The following SLC2A14 variants were observed in gnomAD, a reference collection of about 807,000 sequenced individuals.
SLC2A14 encodes solute carrier family 2 member 14.
A neutral mutation model predicts 43.0 loss-of-function variants in SLC2A14; 13 were observed. The ratio of observed to expected loss-of-function variants is 0.30; its 90% CI spans 0.20 to 0.48. SLC2A14 has a LOEUF of 0.48. Among genes scored for constraint, SLC2A14 ranks in the 20% least tolerant of loss-of-function variants. SLC2A14 has a pLI of 0.99. For missense variants in SLC2A14, 428 were observed against 620.4 expected, an observed-to-expected ratio of 0.69 and a Z score of 3.29; for synonymous variants, 190 against 233.8, an observed-to-expected ratio of 0.81 and a Z score of 1.71.
At chr12:7,849,441 T>C (rs929763000) in intron 2 of SLC2A14, among the ~76,000 whole-genome samples, 1 of 151,742 alleles carries the variant, frequency 6.6e-6, no homozygotes, top group African/African-American at 2.4e-5. Flanking sequence ...GAGGTTGAGG[T>C]TGCAGTGAGC....
upstream of SLC2A14, among the ~76,000 whole-genome samples, chr12:7,874,799 A>T (rs377724427): frequency 1.8e-4 from 18 of 100,150 alleles, no homozygotes; most frequent in South Asian, 5.9e-4. Context: ...ATATATAAAT[A>T]ATATATAAAT....
chr12:7,832,037 G>A lies in SLC2A14; in HGVS notation c.112-273C>T, dbSNP rs771867315. Among the ~76,000 whole-genome samples the A allele has an allele frequency of 2.6e-5, 4 of 152,350 alleles. No homozygotes were observed. The South Asian group carries it at 8.3e-4, about 32-fold the overall frequency. On this transcript the variant is annotated intron_variant, in intron 3 of 10. Coordinates refer to ENST00000431042, the MANE Select transcript of SLC2A14 (RefSeq NM_001286234.2). The stretch of plus-strand genomic sequence containing the variant: ...GTAGGAGAATCGCTTGAACCCGTGG[G>A]GCGGAGTTTGCGATGAGCCGAGATA...
chr12:7,834,550 AC>A (rs1234380599), intron 2 of SLC2A14, among the ~76,000 whole-genome samples: 1 of 82,194 alleles, frequency 1.2e-5, no homozygotes, highest in African/African-American at 4.2e-5. Context: ...TTTTTTTGAG[AC>A]CCCTTCTCTA....
intron 2 of SLC2A14, among the ~76,000 whole-genome samples, chr12:7,843,242 A>G (rs1264149150): frequency 6.6e-6 from 1 of 150,992 alleles, no homozygotes; most frequent in South Asian, 2.1e-4. Flanking sequence ...AATGAAGCGC[A>G]TTAGACTGAG....
chr12:7,871,975 A>T (rs28685100), intron 1 of SLC2A14: 37 of 807,266 alleles, frequency 4.6e-5, no homozygotes, highest in Non-Finnish European at 5.4e-5. Context: ...AACAAAAAAA[A>T]GAAAAAGAAA....
intron 10 of SLC2A14, among the ~76,000 whole-genome samples, 156 bp downstream of exon 10, chr12:7,817,675 A>G (rs1164357863): frequency 6.6e-6 from 1 of 152,008 alleles, no homozygotes; most frequent in Non-Finnish European, 1.5e-5. Flanking sequence ...GCTGAGGCAG[A>G]AGAATCGCTT....
rs766793274 is a variant in SLC2A14 at position 7,853,868 on chromosome 12, G to C, written c.18+15995C>G. 2.0e-5 allele frequency among the ~76,000 whole-genome samples: 3 copies of C among 152,262 alleles called. No individual in the cohort carries two copies. The South Asian group carries it at 6.2e-4, about 32-fold the overall frequency. Reference sequence around the variant, plus strand: ...AATGTGATAACTTTCTTCCAATATTGAATGTGCTTAGAAAAGTGTGTACTT... The same window carrying C: ...AATGTGATAACTTTCTTCCAATATTCAATGTGCTTAGAAAAGTGTGTACTT... On this transcript the variant is annotated intron_variant, in intron 2 of 10. Coordinates refer to ENST00000431042, the MANE Select transcript of SLC2A14 (RefSeq NM_001286234.2).
intron 2 of SLC2A14, among the ~76,000 whole-genome samples, chr12:7,851,323 C>A (rs1866924099): frequency 6.6e-6 from 1 of 152,130 alleles, no homozygotes; most frequent in Admixed American, 6.6e-5. Context: ...CTGACCAATG[C>A]ATCTGAAGTA....
intron 2 of SLC2A14, among the ~76,000 whole-genome samples, chr12:7,859,987 A>G (rs116944731): frequency 0.011 from 1,634 of 152,212 alleles, 21 homozygotes; most frequent in Non-Finnish European, 0.017. Flanking sequence ...GCTATTACCA[A>G]CCAAAGAGCT....
upstream of SLC2A14, among the ~76,000 whole-genome samples, chr12:7,876,301 AAAAGAG>A (rs908382348): frequency 6.0e-5 from 9 of 150,498 alleles, no homozygotes; most frequent in Admixed American, 2.0e-4. Flanking sequence ...AAAAAAAAAA[AAAAGAG>A]AGACAACAGG....
chr12:7,859,918 A>C (rs951870039), intron 2 of SLC2A14, among the ~76,000 whole-genome samples: 9 of 152,156 alleles, frequency 5.9e-5, no homozygotes, highest in Non-Finnish European at 1.3e-4. Flanking sequence ...ATGGACCTTG[A>C]AAGATGAAAA....
In SLC2A14 at chr12:7,821,227, TA is replaced by T; in HGVS notation, c.962del (p.Leu321TyrfsTer17). 9 of 1,612,322 alleles carry T rather than the reference TA, an allele frequency of 5.6e-6. No individual in the cohort carries two copies. Among genetic ancestry groups the T allele is most frequent in the Non-Finnish European group, 7.6e-6 (9 of 1,178,660 alleles). ...SAGVVNTIFT[L>X]LSLFLVERAG... ...ATCAAACCATCCAACTTACAGAAAG[TA>T]AAGTGAAGATAGTATTAACCACACC... On this transcript the variant is annotated frameshift_variant, in exon 8 of 11. Transcript: ENST00000431042. LOFTEE classifies it high-confidence loss of function.
intron 2 of SLC2A14, chr12:7,839,915 C>A: frequency 3.3e-6 from 1 of 301,040 alleles, no homozygotes; most frequent in Non-Finnish European, 6.4e-6. Flanking sequence ...CAAGGAGACC[C>A]TGTCTCTACA....
At chr12:7,851,218 C>G (rs1866916046) in intron 2 of SLC2A14, among the ~76,000 whole-genome samples, 1 of 152,154 alleles carries the variant, frequency 6.6e-6, no homozygotes, top group African/African-American at 2.4e-5. Flanking sequence ...TTCTCTAATT[C>G]TAGAAGGTGG....
chr12:7,848,830 A>G (rs906795037), intron 2 of SLC2A14, among the ~76,000 whole-genome samples: 2 of 151,546 alleles, frequency 1.3e-5, no homozygotes, highest in Middle Eastern at 3.5e-3. Context: ...TGCTGGGATT[A>G]CAAGCATGAG....
chr12:7,883,943 A>G (rs1480419720), intron 1 of SLC2A14, among the ~76,000 whole-genome samples: 1 of 126,918 alleles, frequency 7.9e-6, no homozygotes, highest in African/African-American at 3.0e-5. Context: ...TTTTTGTTTG[A>G]GGCGGAGCCT....
chr12:7,871,018 CACG>C lies in SLC2A14; in HGVS notation c.-57-1084_-57-1082del. ...ATGGCTTCAATGACAAGGGGGACAG[CACG>C]ACAAGCTGGCTTCACCGCGGAAGAA... is the stretch of plus-strand genomic sequence containing the variant. On this transcript the variant is annotated intron_variant, in intron 1 of 10. Coordinates refer to ENST00000431042, the MANE Select transcript of SLC2A14 (RefSeq NM_001286234.2). 2.8e-6 allele frequency: 4 copies of C among 1,434,772 alleles called. No individual in the cohort carries two copies. The South Asian group carries it at 4.5e-5, about 16-fold the overall frequency. 88.9% of individuals were successfully genotyped at this position (1,434,772 alleles called of 1,614,324 possible). A position where few individuals can be genotyped will look rare whatever the true frequency, so the allele number is the denominator to read the frequency against.
At position 7,828,700 on chromosome 12, in the gene SLC2A14, T is replaced by C. The variant is rs1431954597; in HGVS notation, c.676+4A>G. 2 of 1,613,844 alleles carry C rather than the reference T, an allele frequency of 1.2e-6. No homozygotes were observed. The highest frequency in any genetic ancestry group is 1.7e-6 in the Non-Finnish European group (2 of 1,179,854). On this transcript the variant is annotated splice_donor_region_variant and intron_variant, in intron 6 of 10. Coordinates refer to ENST00000431042, the MANE Select transcript of SLC2A14 (RefSeq NM_001286234.2). Reference sequence around the variant, plus strand: ...TTGTATACTAAAGAGTGAAAGATACTCACTCCGCGTAGCATTCTCCTCTTT... The same window carrying C: ...TTGTATACTAAAGAGTGAAAGATACCCACTCCGCGTAGCATTCTCCTCTTT...
chr12:7,851,505 T>C (rs1866936981), intron 2 of SLC2A14, among the ~76,000 whole-genome samples: 1 of 152,164 alleles, frequency 6.6e-6, no homozygotes, highest in South Asian at 2.1e-4. Flanking sequence ...AATAATTTAA[T>C]AAATGACTAG....
Sources: gnomAD v4.1 joint callset for allele counts (sites outside exome capture counted in the v4.1 genomes callset) on GRCh38, gnomAD v4.1.1 for gene constraint, MANE v1.5 for transcripts, NCBI Gene and HGNC (gene_info 2026-07-23, HGNC 2026-07-21) for gene names.